Variants in ERBB4 observed in about 807,000 individuals in gnomAD.
The protein encoded by ERBB4 is receptor tyrosine-protein kinase erbB-4.
A neutral mutation model predicts 158.0 loss-of-function variants in ERBB4; 42 were observed. The observed-to-expected ratio is 0.27, with a 90% confidence interval of 0.21 to 0.34. The LOEUF (loss-of-function observed/expected upper bound fraction) is 0.34, where lower values mean the gene tolerates loss of function less well. ERBB4 is among the 10% of genes least tolerant of loss of function. The pLI is 1.00. For synonymous variants in ERBB4, 583 were observed against 558.7 expected (o/e 1.04, Z -0.61); for missense variants, 1,333 against 1,624.1 (o/e 0.82, Z 3.08).
chr2:211,558,317 A>T (rs2067293553), intron 20 of ERBB4, among the ~76,000 whole-genome samples: 1 of 152,064 alleles, frequency 6.6e-6, no homozygotes, highest in African/African-American at 2.4e-5. Context: ...CTCCATCTTC[A>T]AGGTGCACTG....
chr2:211,740,870 A>G (rs111962843), intron 5 of ERBB4, among the ~76,000 whole-genome samples: 3,932 of 152,180 alleles, frequency 0.026, 147 homozygotes, highest in African/African-American at 0.09. Flanking sequence ...TCAGCCTCCC[A>G]AAGTGCTGGG....
Position 211,701,756 on chromosome 2 carries a change from CAAAAAAAAAA to C in ERBB4, c.1489+201_1489+210del, listed in dbSNP as rs71409856. ...GGGGCAACAGAGCGAGACTCCGTCT[CAAAAAAAAAA>C]AAAAAAAAAAAAAAAAAAGAAAGTC... On this transcript the variant is annotated intron_variant, in intron 12 of 27. Transcript: ENST00000342788. Among the ~76,000 whole-genome samples the C allele has an allele frequency of 1.6e-3, 108 of 66,652 alleles. No individual in the cohort carries two copies. The East Asian group carries it at 0.037, about 23-fold the overall frequency. The allele number at this position is 66,652 out of a possible 152,430, so 43.7% of individuals were successfully genotyped here.
At chr2:211,900,311 C>A (rs995845192) in intron 3 of ERBB4, among the ~76,000 whole-genome samples, 3 of 151,914 alleles carry the variant, frequency 2.0e-5, no homozygotes, top group Non-Finnish European at 4.4e-5. Context: ...CTTAAAATAG[C>A]ACAGATTGAA....
chr2:212,435,495 T>C (rs7605269), intron 1 of ERBB4, among the ~76,000 whole-genome samples: 206 of 152,110 alleles, frequency 1.4e-3, no homozygotes, highest in Non-Finnish European at 2.2e-3. Flanking sequence ...GAATTCTAAA[T>C]GGTGATATCA....
At chr2:211,721,618 A>AATATATATATATAT (rs1559457184) in intron 7 of ERBB4, among the ~76,000 whole-genome samples, 1 of 69,890 alleles carries the variant, frequency 1.4e-5, no homozygotes, top group African/African-American at 8.1e-5. Context: ...TTTGCTATTA[A>AATATATATATATAT]ACATATATAT....
chr2:212,203,838 T>A (rs1273304358), intron 1 of ERBB4, among the ~76,000 whole-genome samples: 1 of 152,136 alleles, frequency 6.6e-6, no homozygotes, highest in Non-Finnish European at 1.5e-5. Flanking sequence ...TCATCTTCCA[T>A]CCTCCCTGAC....
At chr2:211,785,852 T>C (rs2076149390) in intron 4 of ERBB4, among the ~76,000 whole-genome samples, 1 of 152,196 alleles carries the variant, frequency 6.6e-6, no homozygotes, top group African/African-American at 2.4e-5. Flanking sequence ...TGTAATCCAT[T>C]GTAATTCATT....
At chr2:211,597,071 T>C (rs1048983626) in intron 19 of ERBB4, among the ~76,000 whole-genome samples, 3 of 152,202 alleles carry the variant, frequency 2.0e-5, no homozygotes, top group African/African-American at 7.2e-5. Flanking sequence ...CAGCCCCACT[T>C]ACTCACTCTA....
intron 8 of ERBB4, 120 bp from the exon 9 acceptor site, chr2:211,712,296 A>C: frequency 9.7e-7 from 1 of 1,031,052 alleles, no homozygotes; most frequent in Non-Finnish European, 1.4e-6. Flanking sequence ...ATATATTACA[A>C]ATTTTGTTTT....
chr2:212,504,492 G>A (rs898788826), intron 1 of ERBB4, among the ~76,000 whole-genome samples: 1 of 150,880 alleles, frequency 6.6e-6, no homozygotes, highest in Non-Finnish European at 1.5e-5. Flanking sequence ...AAAGCCTATA[G>A]AGAAATAGAA....
chr2:212,524,321 A>G (rs1219733942), intron 1 of ERBB4, among the ~76,000 whole-genome samples: 2 of 152,018 alleles, frequency 1.3e-5, no homozygotes, highest in African/African-American at 4.8e-5. Flanking sequence ...TTGTAGATGT[A>G]GTGACCTCCA....
intron 3 of ERBB4, among the ~76,000 whole-genome samples, chr2:211,898,755 C>T (rs1041106983): frequency 1.3e-5 from 2 of 152,116 alleles, no homozygotes; most frequent in African/African-American, 4.8e-5. Context: ...TATTTCTCTT[C>T]TAATGGGAAT....
chr2:211,949,373 A>G (rs2080810058), intron 2 of ERBB4, among the ~76,000 whole-genome samples: 1 of 152,234 alleles, frequency 6.6e-6, no homozygotes, highest in Admixed American at 6.5e-5. Flanking sequence ...CATTCAGTGC[A>G]ATAACCACTA....
intron 12 of ERBB4, among the ~76,000 whole-genome samples, chr2:211,685,719 C>T (rs1361813251): frequency 1.3e-5 from 2 of 152,138 alleles, no homozygotes; most frequent in African/African-American, 4.8e-5. Context: ...GGAGAATTGA[C>T]ATCTTTATGA....
intron 3 of ERBB4, among the ~76,000 whole-genome samples, chr2:211,905,256 C>G (rs1234763605): frequency 6.6e-6 from 1 of 152,090 alleles, no homozygotes; most frequent in Non-Finnish European, 1.5e-5. Flanking sequence ...TCATAGTCCC[C>G]TTCCTTCCAT....
At chr2:211,760,827 C>T (rs551309208) in intron 4 of ERBB4, among the ~76,000 whole-genome samples, 3 of 152,290 alleles carry the variant, frequency 2.0e-5, no homozygotes, top group Non-Finnish European at 2.9e-5. Flanking sequence ...CTCTGCACAG[C>T]GCAGTAGGTA....
chr2:211,906,740 T>C (rs1226564864), intron 3 of ERBB4, among the ~76,000 whole-genome samples: 2 of 151,630 alleles, frequency 1.3e-5, no homozygotes, highest in South Asian at 2.1e-4. Flanking sequence ...GTGTCTGTTA[T>C]TCCCCTCTTT....
chr2:211,551,394 G>A (rs777825855), intron 20 of ERBB4, among the ~76,000 whole-genome samples: 1 of 152,110 alleles, frequency 6.6e-6, no homozygotes, highest in Non-Finnish European at 1.5e-5. Flanking sequence ...TTTTAAGGGT[G>A]TATTGTCATT....
intron 4 of ERBB4, among the ~76,000 whole-genome samples, chr2:211,776,747 A>G (rs1203796040): frequency 6.6e-6 from 1 of 152,302 alleles, no homozygotes. Context: ...TTTGGCTGAG[A>G]GGATGACTCA....
Sources: gnomAD v4.1 joint callset for allele counts (sites outside exome capture counted in the v4.1 genomes callset) on GRCh38, gnomAD v4.1.1 for gene constraint, MANE v1.5 for transcripts, NCBI Gene and HGNC (gene_info 2026-07-23, HGNC 2026-07-21) for gene names.